HDAC9: variants seen among roughly 807,000 people sequenced by gnomAD.
HDAC9 encodes the protein MEF-2 interacting transcription repressor (MITR) protein.
In HDAC9, 41 loss-of-function variants were observed where a neutral mutation model predicts 139.4. The ratio of observed to expected loss-of-function variants is 0.29; its 90% CI spans 0.23 to 0.38. The LOEUF is 0.38. Among genes scored for constraint, HDAC9 ranks in the 10% least tolerant of loss-of-function variants. The probability of loss-of-function intolerance (pLI) is 1.00; values close to 1 mark genes in which losing one functional copy is unlikely to be tolerated. For synonymous variants in HDAC9, 517 were observed against 476.2 expected, an observed-to-expected ratio of 1.09 and a Z score of -1.12; for missense variants, 1,147 against 1,297.0, an observed-to-expected ratio of 0.88 and a Z score of 1.78.
At chr7:18,309,731 G>T (rs950190486) in intron 1 of HDAC9, among the ~76,000 whole-genome samples, 1 of 151,936 alleles carries the variant, frequency 6.6e-6, no homozygotes, top group Admixed American at 6.6e-5. Context: ...TTCTCATGCC[G>T]TGATGAGATT....
At chr7:18,486,344 C>T (rs1297876127) in intron 1 of HDAC9, among the ~76,000 whole-genome samples, 1 of 152,054 alleles carries the variant, frequency 6.6e-6, no homozygotes, top group East Asian at 1.9e-4. Flanking sequence ...CCACATTTTC[C>T]AGAATATATC....
chr7:18,293,842 C>T (rs1797975091), intron 1 of HDAC9, among the ~76,000 whole-genome samples: 1 of 152,004 alleles, frequency 6.6e-6, no homozygotes, highest in Non-Finnish European at 1.5e-5. Flanking sequence ...TGATCTTTAA[C>T]ATTTGTCAAT....
rs149686970 is a variant in HDAC9, at chr7:18,182,879, G to A, written c.25+20530G>A. ...GAGGTCACAGTCAAAAACTTGGGTA[G>A]TCAGCAAGCATCACCTTATCAATTA... On this transcript the variant is annotated intron_variant, in intron 2 of 12. Transcript: ENST00000417496. Among the ~76,000 whole-genome samples the A allele has an allele frequency of 5.7e-3, 875 of 152,262 alleles. 1 individual carries two copies. Among genetic ancestry groups the A allele is most frequent in the Admixed American group, 8.8e-3 (134 of 15,294 alleles).
intron 1 of HDAC9, among the ~76,000 whole-genome samples, chr7:18,111,907 G>GT (rs1482048548): frequency 1.3e-5 from 2 of 152,158 alleles, no homozygotes; most frequent in Non-Finnish European, 2.9e-5. Flanking sequence ...TGTACAAGCT[G>GT]TATTTCCTGC....
chr7:18,905,140 C>T (rs533427058), intron 22 of HDAC9, among the ~76,000 whole-genome samples: 4 of 152,246 alleles, frequency 2.6e-5, no homozygotes, highest in African/African-American at 9.6e-5. Context: ...ATCCACCCGC[C>T]TTGGCCTCCC....
chr7:18,901,527 G>C (rs1801722671), intron 22 of HDAC9, among the ~76,000 whole-genome samples: 1 of 152,006 alleles, frequency 6.6e-6, no homozygotes, highest in Non-Finnish European at 1.5e-5. Context: ...AGTCAACTGG[G>C]AGAATCCAAT....
At chr7:18,439,030 C>T (rs1030200715) in intron 1 of HDAC9, among the ~76,000 whole-genome samples, 8 of 152,082 alleles carry the variant, frequency 5.3e-5, no homozygotes, top group Non-Finnish European at 7.4e-5. Context: ...TTTGTACTTC[C>T]ATATAATGTA....
intron 12 of HDAC9, among the ~76,000 whole-genome samples, chr7:18,726,209 C>T (rs554052811): frequency 2.0e-5 from 3 of 152,098 alleles, no homozygotes; most frequent in African/African-American, 4.8e-5. Context: ...GCAATGAGTA[C>T]AGTTGTGTTG....
chr7:18,919,205 G>T (rs1422884634), intron 22 of HDAC9, among the ~76,000 whole-genome samples: 1 of 152,002 alleles, frequency 6.6e-6, no homozygotes, highest in African/African-American at 2.4e-5. Context: ...TTTCCAAGGA[G>T]TTGCCCCTTA....
chr7:18,100,907 T>C (rs1284340811), intron 1 of HDAC9, among the ~76,000 whole-genome samples: 1 of 152,162 alleles, frequency 6.6e-6, no homozygotes, highest in African/African-American at 2.4e-5. Flanking sequence ...GGAAACAGCT[T>C]GATCCTTTCA....
intron 1 of HDAC9, among the ~76,000 whole-genome samples, chr7:18,103,201 A>C (rs1782965620): frequency 6.6e-6 from 1 of 152,180 alleles, no homozygotes; most frequent in South Asian, 2.1e-4. Flanking sequence ...AGTATGGGGG[A>C]AACCAACCAC....
Position 18,727,803 on chromosome 7 carries a change from C to T in HDAC9, c.1909+46C>T, listed in dbSNP as rs769602634. On this transcript the variant is annotated intron_variant, in intron 13 of 25. Transcript: ENST00000686413. The stretch of plus-strand genomic sequence containing the variant: ...TCTCTAATAGGCAGGCTAAATGCCC[C>T]GTTCTTGTAGGATTAACCGATTTAA... 19 of 1,349,722 alleles carry T rather than the reference C, an allele frequency of 1.4e-5. No individual in the cohort carries two copies. The South Asian group carries it at 2.4e-4, about 17-fold the overall frequency. The allele number at this position is 1,349,722 out of a possible 1,614,324, so 83.6% of individuals were successfully genotyped here.
chr7:18,958,622 A>G (rs1368430282), intron 24 of HDAC9, among the ~76,000 whole-genome samples: 3 of 152,080 alleles, frequency 2.0e-5, no homozygotes, highest in Non-Finnish European at 4.4e-5. Context: ...CTTGTTTTTA[A>G]TTGCCGTATC....
intron 25 of HDAC9, 68 bp from the exon 26 acceptor site, chr7:18,995,955 T>C: frequency 8.6e-7 from 1 of 1,169,398 alleles, no homozygotes; most frequent in Non-Finnish European, 1.2e-6. Flanking sequence ...GCTTTGATTA[T>C]GCATGAAAAT....
In HDAC9 at chr7:18,818,589, A is replaced by G. The variant is rs141799457; in HGVS notation, c.2323-10572A>G. Among the ~76,000 whole-genome samples the G allele has an allele frequency of 1.6e-3, 237 of 152,336 alleles. 1 individual carries two copies. Among genetic ancestry groups the G allele is most frequent in the African/African-American group, 5.3e-3 (222 of 41,576 alleles). ...TAAAAATTAGTAAGTAGCTAGCAGG[A>G]CTACTGGGTATTAAAGGTAGTATTA... On this transcript the variant is annotated intron_variant, in intron 17 of 25. Coordinates refer to ENST00000686413, the MANE Select transcript of HDAC9 (RefSeq NM_178425.4).
chr7:18,321,527 AT>A (rs1800032173), intron 1 of HDAC9, among the ~76,000 whole-genome samples: 2 of 152,108 alleles, frequency 1.3e-5, no homozygotes, highest in East Asian at 1.9e-4. Context: ...TTTTAAAAAA[AT>A]GTTTGTGTTA....
chr7:18,352,756 C>G (rs905204331), intron 1 of HDAC9, among the ~76,000 whole-genome samples: 1 of 151,194 alleles, frequency 6.6e-6, no homozygotes, highest in Non-Finnish European at 1.5e-5. Context: ...AAGGAGCTGG[C>G]TGATGTTTGT....
chr7:18,483,030 C>G (rs1795700951), intron 1 of HDAC9, among the ~76,000 whole-genome samples: 1 of 151,812 alleles, frequency 6.6e-6, no homozygotes, highest in Admixed American at 6.5e-5. Context: ...TAAGAATTAG[C>G]AAAAGAAAAA....
intron 12 of HDAC9, among the ~76,000 whole-genome samples, chr7:18,715,891 A>G (rs1784662802): frequency 6.6e-6 from 1 of 152,342 alleles, no homozygotes; most frequent in Non-Finnish European, 1.5e-5. Context: ...ATATAATTTT[A>G]CACACAACTT....
Sources: allele counts gnomAD v4.1 joint callset (sites outside exome capture counted in the v4.1 genomes callset), GRCh38; gene constraint gnomAD v4.1.1; transcripts MANE v1.5; gene names NCBI Gene and HGNC (gene_info 2026-07-23, HGNC 2026-07-21).